CNTNAP2: variants seen among roughly 807,000 people sequenced by gnomAD.
The protein encoded by CNTNAP2 is contactin associated protein 2.
Under a neutral mutation model 155.2 loss-of-function variants are expected in CNTNAP2, and 98 were observed. That is an observed-to-expected ratio of 0.63 (90% CI 0.54 to 0.75). CNTNAP2 has a LOEUF of 0.75. Ranked by LOEUF, CNTNAP2 falls within the 30% of genes least tolerant of loss-of-function variation. The pLI is 0.00. For synonymous variants in CNTNAP2, 651 were observed against 631.2 expected (o/e 1.03, Z -0.47); for missense variants, 1,727 against 1,688.1 (o/e 1.02, Z -0.40).
At chr7:146,539,841 A>C (rs983039946) in intron 1 of CNTNAP2, among the ~76,000 whole-genome samples, 2 of 152,154 alleles carry the variant, frequency 1.3e-5, no homozygotes, top group African/African-American at 4.8e-5. Context: ...GAAAGTCAAG[A>C]AATGTTTGTT....
intron 1 of CNTNAP2, among the ~76,000 whole-genome samples, chr7:146,310,603 G>T (rs957863089): frequency 2.6e-5 from 4 of 151,630 alleles, no homozygotes; most frequent in African/African-American, 9.7e-5. Flanking sequence ...TTTAATATCT[G>T]ATATAACACT....
chr7:147,745,659 G>A (rs1432698689), intron 13 of CNTNAP2, among the ~76,000 whole-genome samples: 1 of 152,148 alleles, frequency 6.6e-6, no homozygotes, highest in Admixed American at 6.5e-5. Flanking sequence ...ATCGAGAAAT[G>A]TGACTATAAT....
chr7:146,329,709 C>A (rs1191247159), intron 1 of CNTNAP2, among the ~76,000 whole-genome samples: 1 of 152,068 alleles, frequency 6.6e-6, no homozygotes, highest in Non-Finnish European at 1.5e-5. Flanking sequence ...TCTCACCAAC[C>A]AGCCTTTTCT....
At chr7:146,324,219 A>C (rs570514492) in intron 1 of CNTNAP2, among the ~76,000 whole-genome samples, 1 of 152,228 alleles carries the variant, frequency 6.6e-6, no homozygotes, top group South Asian at 2.1e-4. Context: ...CTGAGATGGA[A>C]CGATTACACT....
At chr7:146,805,934 G>T (rs1433961500) in intron 2 of CNTNAP2, among the ~76,000 whole-genome samples, 2 of 152,084 alleles carry the variant, frequency 1.3e-5, no homozygotes, top group Non-Finnish European at 2.9e-5. Context: ...AATAATTAAA[G>T]CTGCATGTTT....
In CNTNAP2 at chr7:146,673,675, G is replaced by A. The variant is rs573590189; in HGVS notation, c.98-100596G>A. ...CTGGCTGTTTCTGTGCCTCACTTCC[G>A]TTTTCTCTATGTAGCTTTCCTTTGT... On this transcript the variant is annotated intron_variant, in intron 1 of 23. Coordinates refer to ENST00000361727, the MANE Select transcript of CNTNAP2 (RefSeq NM_014141.6). 1.4e-4 allele frequency among the ~76,000 whole-genome samples: 22 copies of A among 152,252 alleles called. No individual in the cohort carries two copies. The South Asian group carries it at 3.7e-3, about 26-fold the overall frequency.
chr7:147,127,183 T>C (rs1212730009), intron 6 of CNTNAP2, among the ~76,000 whole-genome samples: 1 of 152,204 alleles, frequency 6.6e-6, no homozygotes. Flanking sequence ...AATATGTTCA[T>C]TTCAGTGCAA....
At chr7:147,524,523 C>A (rs1799284788) in intron 11 of CNTNAP2, among the ~76,000 whole-genome samples, 1 of 152,176 alleles carries the variant, frequency 6.6e-6, no homozygotes, top group Non-Finnish European at 1.5e-5. Flanking sequence ...CACAACTCAT[C>A]AGCTGGATTT....
At chr7:147,048,641 ATGTGGCTAC>A (rs1416838090) in intron 4 of CNTNAP2, among the ~76,000 whole-genome samples, 4 of 152,220 alleles carry the variant, frequency 2.6e-5, no homozygotes, top group African/African-American at 9.6e-5. Context: ...CACTAACCAT[ATGTGGCTAC>A]TAGCATGTGA....
intron 1 of CNTNAP2, among the ~76,000 whole-genome samples, chr7:146,624,840 C>T (rs1799393304): frequency 6.6e-6 from 1 of 151,900 alleles, no homozygotes; most frequent in South Asian, 2.1e-4. Flanking sequence ...AGTATTGAGT[C>T]TTCCAAGTCA....
chr7:147,004,224 A>C (rs981784776), intron 3 of CNTNAP2, among the ~76,000 whole-genome samples: 1 of 150,502 alleles, frequency 6.6e-6, no homozygotes. Flanking sequence ...AAAAAAAAAA[A>C]AAAGAAAAAG....
At chr7:147,790,654 G>C (rs1563090245) in intron 13 of CNTNAP2, among the ~76,000 whole-genome samples, 1 of 152,298 alleles carries the variant, frequency 6.6e-6, no homozygotes, top group East Asian at 1.9e-4. Flanking sequence ...ATGTTTGCAT[G>C]GATTCAATAT....
At chr7:147,011,439 A>T (rs1286627055) in intron 3 of CNTNAP2, among the ~76,000 whole-genome samples, 1 of 150,588 alleles carries the variant, frequency 6.6e-6, no homozygotes, top group Non-Finnish European at 1.5e-5. Context: ...AAAAAAAAAA[A>T]AAAAAGGAAC....
At chr7:147,610,509 G>A (rs1281858758) in intron 12 of CNTNAP2, among the ~76,000 whole-genome samples, 2 of 152,162 alleles carry the variant, frequency 1.3e-5, no homozygotes, top group Admixed American at 1.3e-4. Flanking sequence ...GCATGCCACA[G>A]TGGCACATTT....
intron 1 of CNTNAP2, among the ~76,000 whole-genome samples, chr7:146,735,708 T>C (rs987023476): frequency 1.3e-5 from 2 of 152,182 alleles, no homozygotes; most frequent in South Asian, 2.1e-4. Flanking sequence ...TATATACATA[T>C]GCATATATAT....
chr7:146,270,790 A>T (rs936332365), intron 1 of CNTNAP2, among the ~76,000 whole-genome samples: 1 of 152,146 alleles, frequency 6.6e-6, no homozygotes, highest in South Asian at 2.1e-4. Flanking sequence ...TTAATTGTCG[A>T]TAAAAAGCAC....
chr7:147,241,506 T>C (rs193237458), intron 8 of CNTNAP2, among the ~76,000 whole-genome samples: 1 of 152,042 alleles, frequency 6.6e-6, no homozygotes, highest in African/African-American at 2.4e-5. Context: ...CATGCGCCTG[T>C]AATCCCAGCT....
At chr7:148,030,669 C>CTT (rs34338936) in intron 15 of CNTNAP2, among the ~76,000 whole-genome samples, 2,784 of 129,478 alleles carry the variant, frequency 0.022, 81 homozygotes, top group African/African-American at 0.072. Context: ...TTATCCAGCT[C>CTT]TTTTTTTTTT....
intron 14 of CNTNAP2, among the ~76,000 whole-genome samples, chr7:147,922,164 A>C (rs1800294134): frequency 6.6e-6 from 1 of 152,254 alleles, no homozygotes; most frequent in Non-Finnish European, 1.5e-5. Context: ...ACAAATATCG[A>C]AAGGAAAATG....
Sources: gnomAD v4.1 joint callset for allele counts (sites outside exome capture counted in the v4.1 genomes callset) on GRCh38, gnomAD v4.1.1 for gene constraint, MANE v1.5 for transcripts, NCBI Gene and HGNC (gene_info 2026-07-23, HGNC 2026-07-21) for gene names.